The following TFEC variants were observed in gnomAD, a reference collection of about 807,000 sequenced individuals.
TFEC encodes the protein class E basic helix-loop-helix protein 34.
In TFEC, 31 loss-of-function variants were observed where a neutral mutation model predicts 41.6. The observed-to-expected ratio is 0.74, with a 90% confidence interval of 0.56 to 1.01. The LOEUF is 1.01. Ranked by LOEUF, TFEC falls within the 50% of genes least tolerant of loss-of-function variation. The pLI is 0.00. For missense variants in TFEC, 402 were observed against 404.1 expected (o/e 0.99, Z 0.04); for synonymous variants, 143 against 140.6 (o/e 1.02, Z -0.12).
At chr7:116,035,963 G>GA (rs929188834) in intron 3 of TFEC, among the ~76,000 whole-genome samples, 3 of 151,152 alleles carry the variant, frequency 2.0e-5, no homozygotes, top group African/African-American at 4.9e-5. Context: ...ACACAGTGGA[G>GA]AAAAAAAATC....
At chr7:116,090,161 T>G (rs539560294) in intron 3 of TFEC, among the ~76,000 whole-genome samples, 1 of 152,204 alleles carries the variant, frequency 6.6e-6, no homozygotes, top group Non-Finnish European at 1.5e-5. Context: ...AAAGTACTTC[T>G]GATTGGTTGA....
chr7:116,045,596 G>A (rs893501875), intron 3 of TFEC, among the ~76,000 whole-genome samples: 1 of 152,226 alleles, frequency 6.6e-6, no homozygotes, highest in African/African-American at 2.4e-5. Flanking sequence ...CGATGCCCAG[G>A]CAAAAGTTTG....
At chr7:116,038,369 T>TA (rs1489099618) in intron 3 of TFEC, among the ~76,000 whole-genome samples, 1 of 151,964 alleles carries the variant, frequency 6.6e-6, no homozygotes, top group Non-Finnish European at 1.5e-5. Flanking sequence ...TGCCACTACC[T>TA]AAAACTATTT....
At chr7:116,123,951 C>G (rs1253282141) in intron 1 of TFEC, among the ~76,000 whole-genome samples, 1 of 151,926 alleles carries the variant, frequency 6.6e-6, no homozygotes, top group Non-Finnish European at 1.5e-5. Context: ...GAATAAATGA[C>G]TGATATAGAA....
rs760936082 is a variant in TFEC at position 115,984,349 on chromosome 7, T to C, written c.93A>G (p.Thr31=). The part of the protein sequence containing the change: ...SGGPLVQHAH[T]TLDSDAGLTE... ...TGAGGCCAGCATCACTGTCCAGAGTTGTGTGTGCATGCTGCACAAGAGGCC... is the reference window on the plus strand; with the variant it reads ...TGAGGCCAGCATCACTGTCCAGAGTCGTGTGTGCATGCTGCACAAGAGGCC... The change falls in exon 2 of 8, where the codon ACA becomes ACG. Residue 31 remains threonine, a synonymous_variant. Coordinates refer to ENST00000265440, the MANE Select transcript of TFEC (RefSeq NM_012252.4). The C allele has an allele frequency of 1.9e-6, 3 of 1,614,132 alleles. No homozygotes were observed. The highest frequency in any genetic ancestry group is 1.3e-5 in the African/African-American group (1 of 75,064).
chr7:115,974,260 G>A lies in TFEC; in HGVS notation c.181-4C>T, dbSNP rs772839814. 3.8e-6 allele frequency: 6 copies of A among 1,578,908 alleles called. No homozygotes were observed. The highest frequency in any genetic ancestry group is 1.2e-5 in the South Asian group (1 of 85,040). On this transcript the variant is annotated splice_region_variant and splice_polypyrimidine_tract_variant and intron_variant, in intron 2 of 7. Transcript: ENST00000265440. ...TATCCTCAATAACGTCCTCCATCTA[G>A]CAAAATATAATACATTTAGAATATT...
At chr7:116,113,313 G>C (rs1180448574) in intron 1 of TFEC, among the ~76,000 whole-genome samples, 1 of 151,924 alleles carries the variant, frequency 6.6e-6, no homozygotes, top group Non-Finnish European at 1.5e-5. Flanking sequence ...GGTGTTACAG[G>C]AAGAGGGGAA....
chr7:116,085,911 C>A (rs1797193527), intron 3 of TFEC, among the ~76,000 whole-genome samples: 1 of 151,798 alleles, frequency 6.6e-6, no homozygotes, highest in Non-Finnish European at 1.5e-5. Flanking sequence ...TCCTTTTAAC[C>A]TCTCTTTCAT....
intron 1 of TFEC, among the ~76,000 whole-genome samples, chr7:116,153,670 A>G (rs1452284286): frequency 6.6e-6 from 1 of 152,200 alleles, no homozygotes; most frequent in East Asian, 1.9e-4. Flanking sequence ...GAGGAAAAAA[A>G]AAAGCTCTTC....
chr7:116,127,858 A>C (rs1231794483), intron 1 of TFEC, among the ~76,000 whole-genome samples: 1 of 152,062 alleles, frequency 6.6e-6, no homozygotes, highest in African/African-American at 2.4e-5. Flanking sequence ...TTTCTAGCCC[A>C]CACACCCACA....
chr7:115,963,105 G>T (rs1792654578), intron 3 of TFEC, among the ~76,000 whole-genome samples: 1 of 151,196 alleles, frequency 6.6e-6, no homozygotes, highest in African/African-American at 2.4e-5. Flanking sequence ...TGCAGTGTTT[G>T]GTTTTCTGTC....
intron 1 of TFEC, among the ~76,000 whole-genome samples, chr7:115,988,157 C>T (rs1159852398): frequency 6.6e-6 from 1 of 152,012 alleles, no homozygotes; most frequent in Non-Finnish European, 1.5e-5. Flanking sequence ...TCCAGTACAT[C>T]CTGCCTATCA....
At chr7:116,084,182 A>G (rs1310624041) in intron 3 of TFEC, among the ~76,000 whole-genome samples, 1 of 151,912 alleles carries the variant, frequency 6.6e-6, no homozygotes, top group African/African-American at 2.4e-5. Flanking sequence ...TATGCCAATT[A>G]ACCCAATTCT....
chr7:116,125,443 T>G (rs1798189397), intron 1 of TFEC, among the ~76,000 whole-genome samples: 1 of 152,204 alleles, frequency 6.6e-6, no homozygotes, highest in African/African-American at 2.4e-5. Context: ...GAAATTTGGC[T>G]TTAATCTATC....
At chr7:116,087,293 T>C (rs1182228667) in intron 3 of TFEC, among the ~76,000 whole-genome samples, 2 of 152,018 alleles carry the variant, frequency 1.3e-5, no homozygotes, top group African/African-American at 4.8e-5. Context: ...AAGTGCTTTG[T>C]CTTCTAAGGG....
intron 1 of TFEC, among the ~76,000 whole-genome samples, chr7:116,133,669 T>A (rs1212227249): frequency 7.0e-6 from 1 of 143,846 alleles, no homozygotes; most frequent in Non-Finnish European, 1.5e-5. Context: ...AAATGTAGCT[T>A]TTTTTTCCTG....
At position 115,956,797 on chromosome 7, in the gene TFEC, GA is replaced by G; in HGVS notation, c.268-5del. 1 of 1,548,858 alleles carries G rather than the reference GA, an allele frequency of 6.5e-7. No homozygotes were observed. Among genetic ancestry groups the G allele is most frequent in the Non-Finnish European group, 8.7e-7 (1 of 1,144,558 alleles). ...CATCCAAAATACTTCCAGATAACTT[GA>G]GAGGAAAAAGGAAGAAAAGATTAAT... On this transcript the variant is annotated splice_region_variant and splice_polypyrimidine_tract_variant and intron_variant, in intron 3 of 7. Transcript: ENST00000265440.
intron 1 of TFEC, among the ~76,000 whole-genome samples, chr7:115,991,972 C>A (rs550412911): frequency 6.6e-6 from 1 of 152,272 alleles, no homozygotes; most frequent in South Asian, 2.1e-4. Flanking sequence ...CACTCCTCAG[C>A]AAATGTAAAA....
intron 1 of TFEC, among the ~76,000 whole-genome samples, chr7:116,119,295 T>C (rs1286938191): frequency 1.3e-5 from 2 of 151,758 alleles, no homozygotes; most frequent in Admixed American, 6.6e-5. Flanking sequence ...AACTACATTA[T>C]ACAGAAAAAT....
Sources: gnomAD v4.1 joint callset for allele counts (sites outside exome capture counted in the v4.1 genomes callset) on GRCh38, gnomAD v4.1.1 for gene constraint, MANE v1.5 for transcripts, NCBI Gene and HGNC (gene_info 2026-07-23, HGNC 2026-07-21) for gene names.